BEND7: variants seen among roughly 807,000 people sequenced by gnomAD.
The protein encoded by BEND7 is BEN domain containing 7, also known as BEN domain-containing protein 7.
In BEND7, 28 loss-of-function variants were observed where a neutral mutation model predicts 50.9. The ratio of observed to expected loss-of-function variants is 0.55; its 90% CI spans 0.41 to 0.75. The LOEUF is 0.75. Among genes scored for constraint, BEND7 ranks in the 30% least tolerant of loss-of-function variants. The probability of loss-of-function intolerance (pLI) is 0.00; values close to 1 mark genes in which losing one functional copy is unlikely to be tolerated. For synonymous variants in BEND7, 170 were observed against 183.9 expected (o/e 0.92, Z 0.61); for missense variants, 477 against 491.3 (o/e 0.97, Z 0.28).
Position 13,447,278 on chromosome 10 carries a change from G to C in BEND7, c.1222C>G (p.Leu408Val), listed in dbSNP as rs766478506. The change falls in exon 8 of 9, where the codon CTA becomes GTA. Residue 408 changes from leucine to valine, a missense_variant. Around this residue, in one of 3 missense-constraint regions of BEND7, gnomAD observed 64 missense variants for 68.5 expected, o/e 0.93. Transcript: ENST00000466271. Reference sequence around the variant, plus strand: ...GCGTTTTATTTACCTGTTGGTGGTAGAGCAATGCCGTCCAGTCTTTCATCA... The same window carrying C: ...GCGTTTTATTTACCTGTTGGTGGTACAGCAATGCCGTCCAGTCTTTCATCA... ...DSDERLDGIA[L>V]PPTVV The C allele has an allele frequency of 8.1e-6, 13 of 1,614,036 alleles. No homozygotes were observed. The highest frequency in any genetic ancestry group is 1.1e-5 in the South Asian group (1 of 91,076).
chr10:13,499,165 GA>G (rs1304333300), intron 3 of BEND7, among the ~76,000 whole-genome samples: 1 of 151,648 alleles, frequency 6.6e-6, no homozygotes, highest in African/African-American at 2.4e-5. Flanking sequence ...CTTAAGCTTT[GA>G]AAAAAAATTG....
intron 4 of BEND7, among the ~76,000 whole-genome samples, chr10:13,493,265 C>A (rs2076796933): frequency 6.6e-6 from 1 of 152,128 alleles, no homozygotes; most frequent in African/African-American, 2.4e-5. Flanking sequence ...TCCTTGTAAT[C>A]CTGTTTCAGG....
intron 6 of BEND7, among the ~76,000 whole-genome samples, chr10:13,471,516 G>A (rs2074832541): frequency 6.6e-6 from 1 of 152,350 alleles, no homozygotes; most frequent in South Asian, 2.1e-4. Context: ...TAAGGAAAAT[G>A]AAATGGTATT....
Position 13,471,755 on chromosome 10 carries a change from T to C in BEND7, c.1063+9144A>G, listed in dbSNP as rs537204994. Among the ~76,000 whole-genome samples the C allele has an allele frequency of 2.6e-5, 4 of 152,358 alleles. No individual in the cohort carries two copies. In the South Asian group the frequency reaches 8.3e-4, roughly 32 times the overall value. On this transcript the variant is annotated intron_variant, in intron 6 of 8. Coordinates refer to ENST00000466271, the MANE Select transcript of BEND7 (RefSeq NM_001369863.1). ...CTTCTCACTGATTCCAGGACAGAGG[T>C]GGAGCCACCTTCAGAAAACCAGGTG...
intron 5 of BEND7, among the ~76,000 whole-genome samples, chr10:13,482,867 T>C (rs1332158774): frequency 6.6e-6 from 1 of 152,220 alleles, no homozygotes; most frequent in East Asian, 1.9e-4. Context: ...AGGCACTCAA[T>C]ATGTCTTTGT....
At chr10:13,472,810 G>A (rs763932044) in intron 6 of BEND7, among the ~76,000 whole-genome samples, 22 of 149,874 alleles carry the variant, frequency 1.5e-4, no homozygotes, top group African/African-American at 3.7e-4. Context: ...GTTGATACTC[G>A]TCATCGCTGT....
intron 2 of BEND7, among the ~76,000 whole-genome samples, chr10:13,522,906 A>G (rs1209159648): frequency 6.6e-6 from 1 of 152,222 alleles, no homozygotes; most frequent in African/African-American, 2.4e-5. Flanking sequence ...TCATACAGAC[A>G]TGCTGCAAAG....
chr10:13,522,164 C>A (rs552840338), intron 2 of BEND7, among the ~76,000 whole-genome samples: 2 of 152,328 alleles, frequency 1.3e-5, no homozygotes, highest in South Asian at 2.1e-4. Context: ...AGACTGAACA[C>A]CTGACAGATA....
intron 5 of BEND7, among the ~76,000 whole-genome samples, chr10:13,484,774 G>A (rs1023089669): frequency 1.3e-5 from 2 of 152,232 alleles, no homozygotes; most frequent in Admixed American, 1.3e-4. Flanking sequence ...GATTTTAAGA[G>A]TTGGGAGTCT....
At chr10:13,497,475 T>C (rs1336353431) in intron 3 of BEND7, among the ~76,000 whole-genome samples, 2 of 152,312 alleles carry the variant, frequency 1.3e-5, no homozygotes, top group East Asian at 1.9e-4. Context: ...TATATTCGAA[T>C]TGGATGCGTT....
intron 2 of BEND7, among the ~76,000 whole-genome samples, chr10:13,503,336 G>C (rs2077620387): frequency 6.6e-6 from 1 of 152,186 alleles, no homozygotes; most frequent in Non-Finnish European, 1.5e-5. Flanking sequence ...GAAAGGAAGA[G>C]GGCAGAAGGC....
intron 5 of BEND7, among the ~76,000 whole-genome samples, chr10:13,485,427 G>A (rs183073831): frequency 6.6e-6 from 1 of 152,330 alleles, no homozygotes; most frequent in East Asian, 1.9e-4. Context: ...CACGTGCACA[G>A]GGCTGTTTGG....
chr10:13,514,535 G>A (rs375144582), intron 2 of BEND7, among the ~76,000 whole-genome samples: 1 of 152,080 alleles, frequency 6.6e-6, no homozygotes, highest in African/African-American at 2.4e-5. Flanking sequence ...CCCCTGCCTC[G>A]ACAAATGGGA....
intron 6 of BEND7, 131 bp downstream of exon 6, chr10:13,480,768 T>TG: frequency 1.3e-6 from 2 of 1,495,816 alleles, no homozygotes; most frequent in Non-Finnish European, 1.8e-6. Context: ...CCGAAAGCCA[T>TG]GTGAATGGCT....
intron 2 of BEND7, among the ~76,000 whole-genome samples, chr10:13,523,085 C>T (rs1227256365): frequency 6.6e-6 from 1 of 152,228 alleles, no homozygotes; most frequent in East Asian, 1.9e-4. Flanking sequence ...CCTGTCCTAT[C>T]CATTTCTGTG....
At chr10:13,500,929 C>T (rs530434784) in intron 2 of BEND7, 1 of 740,616 alleles carries the variant, frequency 1.4e-6, no homozygotes, top group African/African-American at 1.9e-5. Flanking sequence ...CGAAAGGTCA[C>T]AGGCCACTTT....
intron 2 of BEND7, among the ~76,000 whole-genome samples, chr10:13,510,469 C>A (rs2078197832): frequency 6.6e-6 from 1 of 152,150 alleles, no homozygotes; most frequent in African/African-American, 2.4e-5. Flanking sequence ...ACTACGGCAT[C>A]ATTTTACAAG....
chr10:13,522,487 C>T (rs1052516897), intron 2 of BEND7, among the ~76,000 whole-genome samples: 6 of 152,160 alleles, frequency 3.9e-5, no homozygotes, highest in Non-Finnish European at 7.3e-5. Flanking sequence ...CTGACTACCC[C>T]ACAGGTATAT....
downstream of BEND7, among the ~76,000 whole-genome samples, chr10:13,440,507 C>T (rs995697347): frequency 6.6e-6 from 1 of 152,228 alleles, no homozygotes; most frequent in Non-Finnish European, 1.5e-5. Context: ...GTCCCAGGCC[C>T]CTGTAAAACC....
Sources: allele counts gnomAD v4.1 joint callset (sites outside exome capture counted in the v4.1 genomes callset), GRCh38; gene constraint gnomAD v4.1.1; regional missense constraint gnomAD v4.1.1; transcripts MANE v1.5; gene names NCBI Gene and HGNC (gene_info 2026-07-23, HGNC 2026-07-21).